Variants in PLCXD3 observed in about 807,000 individuals in gnomAD.
PLCXD3 encodes PI-PLC X domain-containing protein 3.
Under a neutral mutation model 25.5 loss-of-function variants are expected in PLCXD3, and 19 were observed. The ratio of observed to expected loss-of-function variants is 0.75; its 90% confidence interval spans 0.52 to 1.09. The LOEUF is 1.09. Ranked by LOEUF, PLCXD3 falls within the 50% of genes least tolerant of loss-of-function variation. PLCXD3 has a pLI of 0.00. For missense variants in PLCXD3, 411 were observed against 388.1 expected, an observed-to-expected ratio of 1.06 and a Z score of -0.50; for synonymous variants, 174 against 137.6, an observed-to-expected ratio of 1.26 and a Z score of -1.85.
intron 1 of PLCXD3, among the ~76,000 whole-genome samples, chr5:41,450,713 G>A (rs1053417607): frequency 6.6e-6 from 1 of 152,000 alleles, no homozygotes; most frequent in African/African-American, 2.4e-5. Flanking sequence ...CTAAATGCAG[G>A]TCTCCTAAGT....
chr5:41,389,470 A>G (rs1367480560), intron 1 of PLCXD3, among the ~76,000 whole-genome samples: 1 of 152,204 alleles, frequency 6.6e-6, no homozygotes, highest in Non-Finnish European at 1.5e-5. Context: ...GGACAAGATA[A>G]GCTGTACTGT....
At chr5:41,505,993 A>T (rs535354498) in intron 1 of PLCXD3, among the ~76,000 whole-genome samples, 17 of 152,370 alleles carry the variant, frequency 1.1e-4, no homozygotes, top group Non-Finnish European at 2.2e-4. Flanking sequence ...CTCTTTAGAG[A>T]TACACTAAAG....
At chr5:41,457,756 T>C (rs1406749706) in intron 1 of PLCXD3, among the ~76,000 whole-genome samples, 1 of 151,914 alleles carries the variant, frequency 6.6e-6, no homozygotes, top group African/African-American at 2.4e-5. Context: ...TGAAAACTCA[T>C]ACCATAACAG....
At chr5:41,364,803 T>A (rs1446317831) in intron 2 of PLCXD3, among the ~76,000 whole-genome samples, 1 of 152,228 alleles carries the variant, frequency 6.6e-6, no homozygotes, top group Non-Finnish European at 1.5e-5. Context: ...TTTGTCAGGT[T>A]ACTTCAATAA....
Position 41,482,105 on chromosome 5 carries a change from TA to T in PLCXD3, c.103+28318del, listed in dbSNP as rs565367147. 1.8e-3 allele frequency among the ~76,000 whole-genome samples: 275 copies of T among 152,252 alleles called. 2 individuals carry two copies. The highest frequency in any genetic ancestry group is 6.4e-3 in the African/African-American group (266 of 41,548). On this transcript the variant is annotated intron_variant, in intron 1 of 2. Coordinates refer to ENST00000377801, the MANE Select transcript of PLCXD3 (RefSeq NM_001005473.3). ...TTAACCTAGAACTCAGATATGTCAGTAAAAAAAGATATGCTTCTTTTGGCTT... is the reference window on the plus strand; with the variant it reads ...TTAACCTAGAACTCAGATATGTCAGTAAAAAAGATATGCTTCTTTTGGCTT...
rs56721407 is a variant in PLCXD3 at position 41,312,685 on chromosome 5, TTTCCTTCCTTCCTTCCTTCCTTCC to T, written c.*908_*931del. 3.8e-5 allele frequency: 4 copies of T among 104,678 alleles called. No individual in the cohort carries two copies. Among genetic ancestry groups the T allele is most frequent in the Non-Finnish European group, 3.9e-5 (2 of 51,288 alleles). The allele number at this position is 104,678 out of a possible 1,614,324, so 6.5% of individuals were successfully genotyped here. ...CTTCCTCCCTCCCTTCCTTTCTTCC[TTTCCTTCCTTCCTTCCTTCCTTCC>T]TTCCTTCCTTCCTTCCTTCCTTCCT... On this transcript the variant is annotated 3_prime_UTR_variant, in exon 3 of 3. Coordinates refer to ENST00000377801, the MANE Select transcript of PLCXD3 (RefSeq NM_001005473.3).
intron 1 of PLCXD3, among the ~76,000 whole-genome samples, chr5:41,475,091 C>T (rs1031432805): frequency 6.6e-6 from 1 of 152,212 alleles, no homozygotes; most frequent in Admixed American, 6.5e-5. Flanking sequence ...AAAAAATTCC[C>T]TCAAACCCTG....
intron 1 of PLCXD3, among the ~76,000 whole-genome samples, chr5:41,494,778 A>C (rs575897045): frequency 1.3e-5 from 2 of 152,226 alleles, no homozygotes; most frequent in Non-Finnish European, 2.9e-5. Flanking sequence ...ATTGGATTAC[A>C]TATTTTCACC....
At position 41,310,383 on chromosome 5, in the gene PLCXD3, G is replaced by A. The variant is rs781056222; in HGVS notation, c.*3234C>T. The A allele has an allele frequency of 3.9e-5, 6 of 152,042 alleles. No homozygotes were observed. The highest frequency in any genetic ancestry group is 8.8e-5 in the Non-Finnish European group (6 of 67,986). The allele number at this position is 152,042 out of a possible 1,614,324, so 9.4% of individuals were successfully genotyped here. ...ATTGGGTAAAAGTTAGATTGTATTT[G>A]TTTGGTTGTTTTGTTTTGTTTTGTT... On this transcript the variant is annotated 3_prime_UTR_variant, in exon 3 of 3. Coordinates refer to ENST00000377801, the MANE Select transcript of PLCXD3 (RefSeq NM_001005473.3).
Position 41,350,891 on chromosome 5 carries a change from C to T in PLCXD3, c.812+30935G>A, listed in dbSNP as rs981397611. ...TGTTTGTAGAATCTGGGACTGGTAA[C>T]ATAAGCTTATTTTGTACAACTTTAT... is the stretch of plus-strand genomic sequence containing the variant. On this transcript the variant is annotated intron_variant, in intron 2 of 2. Transcript: ENST00000377801. 4.6e-5 allele frequency among the ~76,000 whole-genome samples: 7 copies of T among 152,012 alleles called. No individual in the cohort carries two copies. The South Asian group carries it at 1.2e-3, about 27-fold the overall frequency.
chr5:41,354,118 G>A (rs1561242779), intron 2 of PLCXD3, among the ~76,000 whole-genome samples: 1 of 152,106 alleles, frequency 6.6e-6, no homozygotes, highest in Non-Finnish European at 1.5e-5. Flanking sequence ...GATTATCAGA[G>A]TTCCAGCCAA....
At chr5:41,429,182 A>T (rs1423932301) in intron 1 of PLCXD3, among the ~76,000 whole-genome samples, 1 of 152,144 alleles carries the variant, frequency 6.6e-6, no homozygotes, top group Non-Finnish European at 1.5e-5. Context: ...ACTTAGTGAA[A>T]ATTTATACCA....
chr5:41,480,194 A>G (rs896039788), intron 1 of PLCXD3, among the ~76,000 whole-genome samples: 6 of 152,282 alleles, frequency 3.9e-5, no homozygotes, highest in Non-Finnish European at 8.8e-5. Flanking sequence ...CCCTGAAAGC[A>G]ATATACTGAG....
intron 1 of PLCXD3, among the ~76,000 whole-genome samples, chr5:41,485,794 A>G (rs1019308517): frequency 2.0e-5 from 3 of 152,176 alleles, no homozygotes; most frequent in African/African-American, 7.2e-5. Context: ...AGTTATCACC[A>G]GTTGGTTACT....
At chr5:41,424,287 T>C (rs1412259267) in intron 1 of PLCXD3, among the ~76,000 whole-genome samples, 2 of 152,212 alleles carry the variant, frequency 1.3e-5, no homozygotes, top group Non-Finnish European at 2.9e-5. Flanking sequence ...CTCACGCCTG[T>C]AATCCCAGCA....
At chr5:41,344,120 A>T (rs779720439) in intron 2 of PLCXD3, among the ~76,000 whole-genome samples, 2 of 152,154 alleles carry the variant, frequency 1.3e-5, no homozygotes, top group African/African-American at 2.4e-5. Flanking sequence ...ACGATTTCAG[A>T]TGGACTTCTA....
chr5:41,336,336 T>C (rs1299380230), intron 2 of PLCXD3, among the ~76,000 whole-genome samples: 1 of 152,084 alleles, frequency 6.6e-6, no homozygotes, highest in Non-Finnish European at 1.5e-5. Context: ...AAGTGAATAG[T>C]AAATTAAATG....
chr5:41,344,874 A>T (rs1228853084), intron 2 of PLCXD3, among the ~76,000 whole-genome samples: 3 of 152,106 alleles, frequency 2.0e-5, no homozygotes, highest in Non-Finnish European at 4.4e-5. Flanking sequence ...TTGCCCACCT[A>T]CTCTGGGCAC....
intron 1 of PLCXD3, among the ~76,000 whole-genome samples, chr5:41,492,097 G>A (rs1328569526): frequency 1.3e-5 from 2 of 152,188 alleles, no homozygotes; most frequent in Non-Finnish European, 2.9e-5. Flanking sequence ...CATGTTTAGT[G>A]CTTCCTTCAG....
Sources: gnomAD v4.1 joint callset for allele counts (sites outside exome capture counted in the v4.1 genomes callset) on GRCh38, gnomAD v4.1.1 for gene constraint, MANE v1.5 for transcripts, NCBI Gene and HGNC (gene_info 2026-07-23, HGNC 2026-07-21) for gene names.